WWOX: variants seen among roughly 807,000 people sequenced by gnomAD.
WWOX encodes WW domain containing oxidoreductase.
A neutral mutation model predicts 46.2 loss-of-function variants in WWOX; 69 were observed. The ratio of observed to expected loss-of-function variants is 1.49; its 90% CI spans 1.23 to 1.82. The LOEUF (loss-of-function observed/expected upper bound fraction) is 1.82. WWOX is among the 40% of genes most tolerant of loss of function. The probability of loss-of-function intolerance (pLI) is 0.00; values close to 1 mark genes in which losing one functional copy is unlikely to be tolerated. For missense variants in WWOX, 919 were observed against 542.6 expected, an observed-to-expected ratio of 1.69 and a Z score of -6.89; for synonymous variants, 359 against 202.6, an observed-to-expected ratio of 1.77 and a Z score of -6.56.
At chr16:78,412,889 A>T (rs1272609046) in intron 6 of WWOX, among the ~76,000 whole-genome samples, 1 of 152,224 alleles carries the variant, frequency 6.6e-6, no homozygotes, top group Non-Finnish European at 1.5e-5. Context: ...CAACCTGCCT[A>T]GGTCAAGTGA....
At chr16:78,704,779 G>A (rs1278877657) in intron 8 of WWOX, among the ~76,000 whole-genome samples, 4 of 152,112 alleles carry the variant, frequency 2.6e-5, no homozygotes, top group African/African-American at 9.7e-5. Flanking sequence ...CTTTCTTTCA[G>A]GCAAGACAGC....
chr16:78,631,806 G>A (rs1212637324), intron 8 of WWOX, among the ~76,000 whole-genome samples: 1 of 152,174 alleles, frequency 6.6e-6, no homozygotes, highest in East Asian at 1.9e-4. Flanking sequence ...GATTATAGGT[G>A]TGAACCACCA....
At chr16:78,710,494 A>ATATATATATATATATATATT (rs1192148326) in intron 8 of WWOX, among the ~76,000 whole-genome samples, 1 of 135,614 alleles carries the variant, frequency 7.4e-6, no homozygotes, top group East Asian at 2.2e-4. Context: ...ATATATATAT[A>ATATATATATATATATATATT]TATATTTATA....
intron 8 of WWOX, among the ~76,000 whole-genome samples, chr16:79,086,072 C>A (rs1160825343): frequency 6.7e-6 from 1 of 149,804 alleles, no homozygotes. Flanking sequence ...ACCCCATCTC[C>A]AAAAAAAAGA....
intron 4 of WWOX, among the ~76,000 whole-genome samples, chr16:78,132,461 T>C (rs1192806590): frequency 6.6e-6 from 1 of 152,270 alleles, no homozygotes; most frequent in Non-Finnish European, 1.5e-5. Flanking sequence ...TGGTCAAGTT[T>C]AATTGCTTCT....
intron 6 of WWOX, among the ~76,000 whole-genome samples, chr16:78,405,958 G>A (rs570185014): frequency 6.6e-6 from 1 of 151,986 alleles, no homozygotes; most frequent in Non-Finnish European, 1.5e-5. Flanking sequence ...CTAAACAAAA[G>A]AATTCTCTTA....
intron 8 of WWOX, among the ~76,000 whole-genome samples, chr16:79,132,883 G>A (rs762809074): frequency 3.3e-5 from 5 of 152,144 alleles, no homozygotes; most frequent in East Asian, 1.9e-4. Context: ...TTCAAACCAC[G>A]ATTTAAACCA....
intron 5 of WWOX, among the ~76,000 whole-genome samples, chr16:78,285,244 G>A (rs189296758): frequency 2.0e-5 from 3 of 152,088 alleles, no homozygotes; most frequent in African/African-American, 7.2e-5. Context: ...ACTACCCTGG[G>A]CAACACAGTG....
At chr16:78,265,689 A>C (rs1432695911) in intron 5 of WWOX, among the ~76,000 whole-genome samples, 2 of 151,266 alleles carry the variant, frequency 1.3e-5, no homozygotes, top group Non-Finnish European at 2.9e-5. Context: ...AAAAAAAAAA[A>C]AAAACAACAA....
rs117816145 is a variant in WWOX, at chr16:78,379,723, C to A, written c.517-7137C>A. The stretch of plus-strand genomic sequence containing the variant: ...GAAATGGGATAGGAGAGCGAACTCA[C>A]TGATACCCTCCCAGCTAATTCCTAG... On this transcript the variant is annotated intron_variant, in intron 5 of 8. Transcript: ENST00000566780. 1.3e-3 allele frequency among the ~76,000 whole-genome samples: 198 copies of A among 152,308 alleles called. 2 individuals are homozygous for A. The highest frequency in any genetic ancestry group is 5.6e-4 in the Non-Finnish European group (38 of 68,030).
chr16:78,285,644 G>A (rs1597444713), intron 5 of WWOX, among the ~76,000 whole-genome samples: 1 of 152,132 alleles, frequency 6.6e-6, no homozygotes, highest in South Asian at 2.1e-4. Flanking sequence ...CAGTAGGTAA[G>A]GACAGTGGTA....
At chr16:78,400,690 G>A (rs1235869618) in intron 6 of WWOX, among the ~76,000 whole-genome samples, 1 of 152,178 alleles carries the variant, frequency 6.6e-6, no homozygotes, top group East Asian at 1.9e-4. Flanking sequence ...AGGACTGGAG[G>A]AAGGAAAGCA....
At chr16:78,896,919 C>A (rs1014913496) in intron 8 of WWOX, 1 of 151,858 alleles carries the variant, frequency 6.6e-6, no homozygotes, top group African/African-American at 2.4e-5. Context: ...GGATCCACCA[C>A]CCCAGTTAAG....
intron 8 of WWOX, among the ~76,000 whole-genome samples, chr16:79,096,821 T>C (rs1377037036): frequency 6.6e-6 from 1 of 152,080 alleles, no homozygotes; most frequent in Non-Finnish European, 1.5e-5. Context: ...AATACAGAAA[T>C]TGACTCTCAC....
intron 8 of WWOX, among the ~76,000 whole-genome samples, chr16:78,669,725 C>G (rs983073527): frequency 1.3e-5 from 2 of 152,180 alleles, no homozygotes; most frequent in East Asian, 1.9e-4. Context: ...GGATAATTGC[C>G]TTTCATCCCT....
chr16:79,056,399 G>T (rs567728959), intron 8 of WWOX, among the ~76,000 whole-genome samples: 5 of 152,192 alleles, frequency 3.3e-5, no homozygotes, highest in Non-Finnish European at 7.3e-5. Flanking sequence ...GAGTAGTGTC[G>T]TGAATGAGGC....
At chr16:78,468,397 G>A (rs1196809714) in intron 8 of WWOX, among the ~76,000 whole-genome samples, 4 of 151,648 alleles carry the variant, frequency 2.6e-5, no homozygotes, top group African/African-American at 9.7e-5. Context: ...TGTTGCAACG[G>A]CAAAAAAGAG....
At chr16:78,606,867 C>T (rs1204064686) in intron 8 of WWOX, among the ~76,000 whole-genome samples, 1 of 152,008 alleles carries the variant, frequency 6.6e-6, no homozygotes, top group African/African-American at 2.4e-5. Flanking sequence ...TACCTGAACA[C>T]TTGAGTGGGC....
chr16:78,187,641 A>C lies in WWOX; in HGVS notation c.516+23352A>C, dbSNP rs559449564. Among the ~76,000 whole-genome samples the C allele has an allele frequency of 8.4e-4, 128 of 152,160 alleles. 1 individual carries two copies. Among genetic ancestry groups the C allele is most frequent in the Non-Finnish European group, 1.5e-3 (99 of 68,024 alleles). ...CTGTCCCCAAAAAAAGACGCAAAGG[A>C]GCTCAGTCTTTGAAGGGTTACAGAA... On this transcript the variant is annotated intron_variant, in intron 5 of 8. Coordinates refer to ENST00000566780, the MANE Select transcript of WWOX (RefSeq NM_016373.4).
Sources: gnomAD v4.1 joint callset for allele counts (sites outside exome capture counted in the v4.1 genomes callset) on GRCh38, gnomAD v4.1.1 for gene constraint, MANE v1.5 for transcripts, NCBI Gene and HGNC (gene_info 2026-07-23, HGNC 2026-07-21) for gene names.